The following PPARGC1B variants were observed in gnomAD, a reference collection of about 807,000 sequenced individuals.
PPARGC1B encodes PPARG coactivator 1 beta.
PPARGC1B carries 34 observed loss-of-function variants against 101.6 expected under a neutral mutation model. The observed-to-expected ratio is 0.33, with a 90% CI of 0.25 to 0.45. PPARGC1B has a LOEUF of 0.45. Among genes scored for constraint, PPARGC1B ranks in the 20% least tolerant of loss-of-function variants. The pLI is 1.00. For missense variants in PPARGC1B, 1,234 were observed against 1,317.6 expected (o/e 0.94, Z 0.98); for synonymous variants, 548 against 539.3 (o/e 1.02, Z -0.22).
chr5:149,786,727 A>G (rs1329148703), intron 1 of PPARGC1B, among the ~76,000 whole-genome samples: 1 of 152,246 alleles, frequency 6.6e-6, no homozygotes, highest in Non-Finnish European at 1.5e-5. Context: ...TTGGTAGTAG[A>G]AAAGACAGAC....
At chr5:149,815,938 G>A (rs1454603966) in intron 1 of PPARGC1B, among the ~76,000 whole-genome samples, 1 of 152,192 alleles carries the variant, frequency 6.6e-6, no homozygotes, top group African/African-American at 2.4e-5. Context: ...ATGTATAGAA[G>A]GCACTTAGCA....
At chr5:149,774,361 T>C (rs972278218) in intron 1 of PPARGC1B, among the ~76,000 whole-genome samples, 1 of 152,140 alleles carries the variant, frequency 6.6e-6, no homozygotes, top group African/African-American at 2.4e-5. Context: ...GGGCTAAAAA[T>C]CTGGCATAGC....
chr5:149,785,519 C>A (rs1175716545), intron 1 of PPARGC1B, among the ~76,000 whole-genome samples: 1 of 152,220 alleles, frequency 6.6e-6, no homozygotes, highest in Non-Finnish European at 1.5e-5. Context: ...GCAGTTTGAA[C>A]GTCTCATAAA....
At chr5:149,783,603 C>G (rs1039193738) in intron 1 of PPARGC1B, among the ~76,000 whole-genome samples, 1 of 152,120 alleles carries the variant, frequency 6.6e-6, no homozygotes, top group Non-Finnish European at 1.5e-5. Flanking sequence ...GTAGGAGAGC[C>G]CCAGGCTGGG....
intron 2 of PPARGC1B, among the ~76,000 whole-genome samples, chr5:149,821,885 T>C (rs1758317367): frequency 6.6e-6 from 1 of 152,124 alleles, no homozygotes; most frequent in Non-Finnish European, 1.5e-5. Flanking sequence ...GTACTCCTAA[T>C]AATCGATTTT....
At chr5:149,784,667 A>C (rs1046449966) in intron 1 of PPARGC1B, among the ~76,000 whole-genome samples, 1 of 143,790 alleles carries the variant, frequency 7.0e-6, no homozygotes, top group Non-Finnish European at 1.5e-5. Context: ...TCCTGGGTTC[A>C]CACCGTTCTC....
intron 1 of PPARGC1B, among the ~76,000 whole-genome samples, 165 bp from the exon 2 acceptor site, chr5:149,820,268 G>A (rs1460053860): frequency 6.6e-6 from 1 of 152,198 alleles, no homozygotes. Flanking sequence ...TTAGCTACCA[G>A]AAGATTCAAC....
At chr5:149,756,047 A>G (rs74690449) in intron 1 of PPARGC1B, among the ~76,000 whole-genome samples, 4 of 151,944 alleles carry the variant, frequency 2.6e-5, no homozygotes, top group African/African-American at 2.4e-5. Context: ...GACCTTGGGC[A>G]TGTGACTTCA....
chr5:149,731,006 C>G (rs866495194), intron 1 of PPARGC1B, among the ~76,000 whole-genome samples: 1 of 152,258 alleles, frequency 6.6e-6, no homozygotes, highest in African/African-American at 2.4e-5. Flanking sequence ...CGGGCGGAGA[C>G]AGCGTCTTCC....
In PPARGC1B at chr5:149,794,524, G is replaced by GCACACACACA. The variant is rs35484083; in HGVS notation, c.79-25888_79-25879dup. On this transcript the variant is annotated intron_variant, in intron 1 of 11. Coordinates refer to ENST00000309241, the MANE Select transcript of PPARGC1B (RefSeq NM_133263.4). Reference sequence around the variant, plus strand: ...TGCATACGCTCATGTATGTGAGCGTGCACACACACACACACACACACACAC... The same window carrying GCACACACACA: ...TGCATACGCTCATGTATGTGAGCGTGCACACACACACACACACACACACACACACACACAC... 7.2e-3 allele frequency among the ~76,000 whole-genome samples: 1,033 copies of GCACACACACA among 143,658 alleles called. 17 individuals are homozygous for GCACACACACA. Among genetic ancestry groups the GCACACACACA allele is most frequent in the Admixed American group, 0.03 (432 of 14,378 alleles). The allele number at this position is 143,658 out of a possible 152,430, so 94.2% of individuals were successfully genotyped here. A position where few individuals can be genotyped will look rare whatever the true frequency, so the allele number is the denominator to read the frequency against.
intron 8 of PPARGC1B, among the ~76,000 whole-genome samples, chr5:149,839,344 C>G (rs929154021): frequency 4.6e-5 from 7 of 152,238 alleles, no homozygotes; most frequent in Non-Finnish European, 2.9e-5. Flanking sequence ...AGCTGTCTGA[C>G]TCACAAGCCT....
rs558015057 is a variant in PPARGC1B, at chr5:149,826,738, T to C, written c.318T>C (p.Asp106=). 601 of 1,613,980 alleles carry C rather than the reference T, an allele frequency of 3.7e-4. 3 individuals are homozygous for C. The South Asian group carries it at 6.2e-3, about 17-fold the overall frequency. ...LTKTLDDIPE[D]DVGLAAFPAL... is the part of the protein sequence containing the mutation. ...AGACCCTGGATGACATCCCTGAAGATGACGTGGGTCTGGCTGCCTTCCCAG... is the reference window on the plus strand; with the variant it reads ...AGACCCTGGATGACATCCCTGAAGACGACGTGGGTCTGGCTGCCTTCCCAG... Residue 106 remains aspartate (D), a synonymous_variant, in exon 3 of 12, where the codon GAT becomes GAC. Transcript: ENST00000309241.
Position 149,832,382 on chromosome 5 carries a change from A to C in PPARGC1B, c.583-274A>C, listed in dbSNP as rs772575541. ...CGGAGCAGGGAGGCGGAATGGTCAGAGTGGGGCTTTGTCAGTGAATCTGGA... is the reference window on the plus strand; with the variant it reads ...CGGAGCAGGGAGGCGGAATGGTCAGCGTGGGGCTTTGTCAGTGAATCTGGA... On this transcript the variant is annotated intron_variant, in intron 4 of 11. Transcript: ENST00000309241. The surrounding 1 kb of genome is among the most constrained non-coding windows in gnomAD (Gnocchi z 4.9). Among the ~76,000 whole-genome samples, 7 of 152,024 alleles carry C rather than the reference A, an allele frequency of 4.6e-5. No individual in the cohort carries two copies. Among genetic ancestry groups the C allele is most frequent in the Non-Finnish European group, 7.4e-5 (5 of 68,012 alleles).
intron 1 of PPARGC1B, among the ~76,000 whole-genome samples, chr5:149,799,818 C>T (rs760102790): frequency 1.6e-4 from 24 of 150,396 alleles, no homozygotes; most frequent in South Asian, 2.1e-4. Context: ...CTGCCTCAGC[C>T]TCCTGAATAG....
intron 1 of PPARGC1B, among the ~76,000 whole-genome samples, chr5:149,797,729 T>C (rs1383963093): frequency 3.3e-5 from 5 of 152,238 alleles, no homozygotes; most frequent in Non-Finnish European, 7.3e-5. Flanking sequence ...GAGACCAGCC[T>C]GGCCAACATG....
At position 149,730,752 on chromosome 5, in the gene PPARGC1B, T is replaced by C. The variant is rs1754425250; in HGVS notation, c.78+332T>C. Among the ~76,000 whole-genome samples the C allele has an allele frequency of 6.6e-6, 1 of 152,120 alleles. No individual in the cohort carries two copies. On this transcript the variant is annotated intron_variant, in intron 1 of 11. Coordinates refer to ENST00000309241, the MANE Select transcript of PPARGC1B (RefSeq NM_133263.4). This position sits in a 1 kb window ranked among gnomAD's most constrained non-coding sequence, Gnocchi z 4.0. ...AGGCGCGCCACGGTGTGGGGTACCC[T>C]CAGGCTGGCGCTGGGTGCTGGAGGC... is the stretch of plus-strand genomic sequence containing the variant.
chr5:149,786,303 C>T (rs1216083435), intron 1 of PPARGC1B, among the ~76,000 whole-genome samples: 3 of 152,180 alleles, frequency 2.0e-5, no homozygotes, highest in African/African-American at 4.8e-5. Flanking sequence ...ATCACGTTGG[C>T]CAGGCTGGTC....
At chr5:149,782,423 G>T (rs1731128777) in intron 1 of PPARGC1B, among the ~76,000 whole-genome samples, 1 of 152,242 alleles carries the variant, frequency 6.6e-6, no homozygotes, top group Non-Finnish European at 1.5e-5. Flanking sequence ...ATTAAAGTGA[G>T]ATCCAAATGA....
intron 1 of PPARGC1B, among the ~76,000 whole-genome samples, chr5:149,753,776 C>T (rs1439396056): frequency 1.3e-5 from 2 of 149,842 alleles, no homozygotes; most frequent in East Asian, 4.0e-4. Context: ...TCACTCCAAC[C>T]TTTGCCTCCC....
Sources: allele counts gnomAD v4.1 joint callset (sites outside exome capture counted in the v4.1 genomes callset), GRCh38; gene constraint gnomAD v4.1.1; non-coding constraint Gnocchi (gnomAD v3.1); transcripts MANE v1.5; gene names NCBI Gene and HGNC (gene_info 2026-07-23, HGNC 2026-07-21).